Variants in AGMO observed in about 807,000 individuals in gnomAD.
AGMO encodes glyceryl-ether monooxygenase.
A neutral mutation model predicts 60.2 loss-of-function variants in AGMO; 75 were observed. The ratio of observed to expected loss-of-function variants is 1.25; its 90% CI spans 1.03 to 1.51. AGMO has a LOEUF of 1.51. Ranked by LOEUF, AGMO falls within the 40% of genes most tolerant of loss-of-function variation. The probability of loss-of-function intolerance (pLI) is 0.00; values close to 1 mark genes in which losing one functional copy is unlikely to be tolerated. For synonymous variants in AGMO, 261 were observed against 177.1 expected, an observed-to-expected ratio of 1.47 and a Z score of -3.76; for missense variants, 763 against 525.5, an observed-to-expected ratio of 1.45 and a Z score of -4.42.
intron 3 of AGMO, among the ~76,000 whole-genome samples, chr7:15,539,167 CA>C (rs1488411741): frequency 6.6e-6 from 1 of 151,726 alleles, no homozygotes; most frequent in African/African-American, 2.4e-5. Flanking sequence ...CTTTTAGGTT[CA>C]GGGGCACATG....
chr7:15,428,947 G>T (rs985976090), intron 4 of AGMO, among the ~76,000 whole-genome samples: 8 of 152,014 alleles, frequency 5.3e-5, no homozygotes, highest in African/African-American at 1.9e-4. Flanking sequence ...TTTTGAAAAG[G>T]CTGTATTAAT....
intron 12 of AGMO, among the ~76,000 whole-genome samples, chr7:15,345,113 T>G (rs1461413443): frequency 6.6e-6 from 1 of 152,184 alleles, no homozygotes; most frequent in Admixed American, 6.5e-5. Flanking sequence ...AACACAAAAA[T>G]GCAAATCTAA....
chr7:15,396,591 C>T (rs1175874844), intron 5 of AGMO: 1 of 152,390 alleles, frequency 6.6e-6, no homozygotes, highest in East Asian at 1.9e-4. Context: ...TTGCTTGGAT[C>T]GCCAGCTTTT....
chr7:15,283,395 T>C (rs1410548822), intron 12 of AGMO, among the ~76,000 whole-genome samples: 1 of 151,908 alleles, frequency 6.6e-6, no homozygotes, highest in Non-Finnish European at 1.5e-5. Context: ...AAAAAGATAT[T>C]TGATGCAAAT....
At chr7:15,387,130 C>G (rs1031700129) in intron 9 of AGMO, among the ~76,000 whole-genome samples, 5 of 152,270 alleles carry the variant, frequency 3.3e-5, no homozygotes, top group African/African-American at 1.2e-4. Context: ...TACACAAAGG[C>G]AAGCGTTCAA....
intron 12 of AGMO, among the ~76,000 whole-genome samples, chr7:15,301,802 A>G (rs746095415): frequency 5.9e-5 from 9 of 152,168 alleles, no homozygotes; most frequent in Non-Finnish European, 1.3e-4. Flanking sequence ...TGTATAATAT[A>G]ATATTTTTAC....
At chr7:15,369,498 C>T (rs574958702) in intron 10 of AGMO, among the ~76,000 whole-genome samples, 17 of 152,218 alleles carry the variant, frequency 1.1e-4, no homozygotes, top group South Asian at 6.2e-4. Context: ...GTCTGTTTCA[C>T]CTACTATTCC....
chr7:15,262,528 G>C (rs542130058), intron 12 of AGMO, among the ~76,000 whole-genome samples: 1 of 152,008 alleles, frequency 6.6e-6, no homozygotes, highest in African/African-American at 2.4e-5. Flanking sequence ...TTTTGAAAAT[G>C]ACCATACTGC....
chr7:15,230,735 C>T (rs1251889805), intron 12 of AGMO, among the ~76,000 whole-genome samples: 2 of 152,086 alleles, frequency 1.3e-5, no homozygotes, highest in Non-Finnish European at 2.9e-5. Flanking sequence ...CACTCTGACT[C>T]GGTCCACAGT....
chr7:15,561,673 T>G (rs376205939), intron 1 of AGMO, 47 bp downstream of exon 1: 52 of 1,519,322 alleles, frequency 3.4e-5, no homozygotes, highest in Non-Finnish European at 4.5e-5. Flanking sequence ...TACCATTTAT[T>G]AAGAAAGCAG....
chr7:15,227,051 A>G (rs1782104646), intron 12 of AGMO, among the ~76,000 whole-genome samples: 1 of 151,906 alleles, frequency 6.6e-6, no homozygotes, highest in Admixed American at 6.6e-5. Context: ...CTCTTCCTTA[A>G]CTTCATCTTT....
chr7:15,278,653 T>A (rs2128517662), intron 12 of AGMO, among the ~76,000 whole-genome samples: 1 of 152,316 alleles, frequency 6.6e-6, no homozygotes, highest in South Asian at 2.1e-4. Flanking sequence ...ATACACAGCC[T>A]GCTTGCATTT....
chr7:15,263,042 C>G (rs1583340594), intron 12 of AGMO, among the ~76,000 whole-genome samples: 1 of 152,022 alleles, frequency 6.6e-6, no homozygotes, highest in South Asian at 2.1e-4. Context: ...GACGAAGAAC[C>G]CAAAAGCAAA....
intron 2 of AGMO, among the ~76,000 whole-genome samples, chr7:15,559,151 T>C (rs945228418): frequency 2.0e-5 from 3 of 152,162 alleles, no homozygotes; most frequent in African/African-American, 4.8e-5. Flanking sequence ...CCCAATATCA[T>C]CTAATTTTAT....
chr7:15,365,798 G>A (rs556415919), intron 11 of AGMO, among the ~76,000 whole-genome samples, 179 bp from the exon 12 acceptor site: 89 of 151,932 alleles, frequency 5.9e-4, no homozygotes, highest in African/African-American at 2.0e-3. Flanking sequence ...CATCTTTTTC[G>A]GGAAAATCTG....
chr7:15,142,903 A>G, the AGMO span, among the ~76,000 whole-genome samples: 1 of 152,202 alleles, frequency 6.6e-6, no homozygotes, highest in African/African-American at 2.4e-5. Context: ...TTTAATCCTC[A>G]CAACCACGTT....
intron 12 of AGMO, among the ~76,000 whole-genome samples, chr7:15,348,897 G>C (rs1782130077): frequency 6.6e-6 from 1 of 151,902 alleles, no homozygotes; most frequent in Non-Finnish European, 1.5e-5. Context: ...TTTCTACATA[G>C]TGTCACTAAT....
chr7:15,249,956 T>C (rs1782883796), intron 12 of AGMO, among the ~76,000 whole-genome samples: 2 of 152,344 alleles, frequency 1.3e-5, no homozygotes, highest in South Asian at 4.1e-4. Flanking sequence ...ACTTAGAAAC[T>C]ATTGTTTGAT....
the AGMO span, among the ~76,000 whole-genome samples, chr7:15,124,283 C>T: frequency 6.6e-6 from 1 of 151,968 alleles, no homozygotes; most frequent in Admixed American, 6.6e-5. Flanking sequence ...TCACCTGAGC[C>T]ACTTATCTCT....
Sources: gnomAD v4.1 joint callset for allele counts (sites outside exome capture counted in the v4.1 genomes callset) on GRCh38, gnomAD v4.1.1 for gene constraint, MANE v1.5 for transcripts, NCBI Gene and HGNC (gene_info 2026-07-23, HGNC 2026-07-21) for gene names.